The following SMAD2 variants were observed in gnomAD, a reference collection of about 807,000 sequenced individuals.
SMAD2 encodes SMAD family member 2, also known as MAD homolog 2.
SMAD2 carries 8 observed loss-of-function variants against 64.4 expected under a neutral mutation model. That is an observed-to-expected ratio of 0.12 (90% CI 0.07 to 0.22). The LOEUF is 0.22. Ranked by LOEUF, SMAD2 falls within the 10% of genes least tolerant of loss-of-function variation. The pLI is 1.00. For missense variants in SMAD2, 289 were observed against 561.2 expected, an observed-to-expected ratio of 0.51 and a Z score of 4.90; for synonymous variants, 203 against 195.8, an observed-to-expected ratio of 1.04 and a Z score of -0.31.
At chr18:47,856,299 T>C (rs1026226571) in intron 6 of SMAD2, among the ~76,000 whole-genome samples, 1 of 152,154 alleles carries the variant, frequency 6.6e-6, no homozygotes, top group East Asian at 1.9e-4. Context: ...AGTTACAATA[T>C]TGTGTTGTAT....
chr18:47,883,413 T>C (rs1381862143), intron 2 of SMAD2, among the ~76,000 whole-genome samples: 2 of 152,248 alleles, frequency 1.3e-5, no homozygotes, highest in Admixed American at 1.3e-4. Flanking sequence ...AAACAGTCTT[T>C]CCTGGTGAAG....
At chr18:47,863,553 CTTT>C (rs146121005) in intron 6 of SMAD2, among the ~76,000 whole-genome samples, 1 of 151,882 alleles carries the variant, frequency 6.6e-6, no homozygotes, top group Non-Finnish European at 1.5e-5. Context: ...TCCCTGCAGC[CTTT>C]TTTTTCTGGC....
In SMAD2 at chr18:47,820,125, A is replaced by C. The variant is rs1212598354; in HGVS notation, c.*21702T>G. 1 of 152,216 alleles carries C rather than the reference A, an allele frequency of 6.6e-6. No individual in the cohort carries two copies. The highest frequency in any genetic ancestry group is 2.1e-4 in the South Asian group (1 of 4,832). The allele number at this position is 152,216 out of a possible 1,614,324, so 9.4% of individuals were successfully genotyped here. A position where few individuals can be genotyped will look rare whatever the true frequency, so the allele number is the denominator to read the frequency against. ...AATGTCTGGATCATTTCCAAAAAAAAACAATAAACTGCTGAAAATATTAGT... is the reference window on the plus strand; with the variant it reads ...AATGTCTGGATCATTTCCAAAAAAACACAATAAACTGCTGAAAATATTAGT... On this transcript the variant is annotated 3_prime_UTR_variant, in exon 11 of 11. Coordinates refer to ENST00000262160, the MANE Select transcript of SMAD2 (RefSeq NM_005901.6).
At chr18:47,849,487 GTA>G (rs10584029) in intron 7 of SMAD2, among the ~76,000 whole-genome samples, 58,946 of 147,872 alleles carry the variant, frequency 0.4, 11,817 homozygotes, top group Middle Eastern at 0.5. Context: ...AGAAATGTAT[GTA>G]TATATATATA....
At chr18:47,925,027 A>AC (rs902081835) in intron 1 of SMAD2, among the ~76,000 whole-genome samples, 5 of 152,222 alleles carry the variant, frequency 3.3e-5, no homozygotes, top group Admixed American at 6.5e-5. Context: ...GATTATTCCT[A>AC]CTGAATACAT....
At chr18:47,929,750 A>G (rs1435249463) in intron 1 of SMAD2, among the ~76,000 whole-genome samples, 2 of 152,180 alleles carry the variant, frequency 1.3e-5, no homozygotes, top group East Asian at 3.8e-4. Context: ...CCCAAAGACA[A>G]TATCCCCCTC....
At chr18:47,885,326 C>T (rs2032841119) in intron 2 of SMAD2, among the ~76,000 whole-genome samples, 1 of 151,938 alleles carries the variant, frequency 6.6e-6, no homozygotes, top group African/African-American at 2.4e-5. Flanking sequence ...TGACACTTGG[C>T]CCAGCTAATT....
Position 47,835,877 on chromosome 18 carries a change from T to G in SMAD2, c.*5950A>C, listed in dbSNP as rs1233505252. The G allele has an allele frequency of 4.9e-6, 1 of 203,658 alleles. No individual in the cohort carries two copies. The allele number at this position is 203,658 out of a possible 1,614,324, so 12.6% of individuals were successfully genotyped here. ...TGGAGAAACTAAGAGCTGTTAACTG[T>G]TTGGAGGGTAAAAGAATACTTTTCT... On this transcript the variant is annotated 3_prime_UTR_variant, in exon 11 of 11. Coordinates refer to ENST00000262160, the MANE Select transcript of SMAD2 (RefSeq NM_005901.6).
intron 1 of SMAD2, among the ~76,000 whole-genome samples, chr18:47,907,642 A>G (rs1345924564): frequency 5.3e-5 from 8 of 152,208 alleles, no homozygotes; most frequent in African/African-American, 1.7e-4. Flanking sequence ...ATCACACATG[A>G]GTACAAGTTA....
At chr18:47,882,948 A>G (rs1314424159) in intron 2 of SMAD2, among the ~76,000 whole-genome samples, 3 of 152,204 alleles carry the variant, frequency 2.0e-5, no homozygotes, top group Admixed American at 6.5e-5. Context: ...ACCTACCATG[A>G]CAATCCCTCT....
chr18:47,886,585 CTATCT>C (rs1402064119), intron 2 of SMAD2, among the ~76,000 whole-genome samples: 1 of 151,148 alleles, frequency 6.6e-6, no homozygotes, highest in East Asian at 1.9e-4. Context: ...ATCTATCTAT[CTATCT>C]ATCTATCTAT....
intron 1 of SMAD2, among the ~76,000 whole-genome samples, chr18:47,904,660 A>G (rs895043278): frequency 6.6e-6 from 1 of 152,232 alleles, no homozygotes; most frequent in African/African-American, 2.4e-5. Flanking sequence ...ACATCCAGCA[A>G]CATAATAGAA....
In SMAD2 at chr18:47,837,599, G is replaced by GA. The variant is rs1314071326; in HGVS notation, c.*4227dup. On this transcript the variant is annotated 3_prime_UTR_variant, in exon 11 of 11. Transcript: ENST00000262160. ...AAAAAACAAAAAACAAGGCTAACAAGAAAGAGGATAACCAGCAAGTACCAC... is the reference window on the plus strand; with the variant it reads ...AAAAAACAAAAAACAAGGCTAACAAGAAAAGAGGATAACCAGCAAGTACCAC... 4.6e-6 allele frequency: 1 copy of GA among 219,034 alleles called. No individual in the cohort carries two copies. Among genetic ancestry groups the GA allele is most frequent in the Non-Finnish European group, 8.9e-6 (1 of 112,596 alleles). The allele number at this position is 219,034 out of a possible 1,614,324, so 13.6% of individuals were successfully genotyped here.
In SMAD2 at chr18:47,810,802, T is replaced by C. The variant is rs182724410; in HGVS notation, c.*31025A>G. ...AAGAAGAAAGGAAATGTAAATAAAA[T>C]AGTCCCATGCATCAGCAACAGCCGC... is the stretch of plus-strand genomic sequence containing the variant. On this transcript the variant is annotated 3_prime_UTR_variant, in exon 11 of 11. Coordinates refer to ENST00000262160, the MANE Select transcript of SMAD2 (RefSeq NM_005901.6). The C allele has an allele frequency of 1.3e-5, 2 of 152,224 alleles. No individual in the cohort carries two copies. The highest frequency in any genetic ancestry group is 4.8e-5 in the African/African-American group (2 of 41,522). 9.4% of individuals were successfully genotyped at this position (152,224 alleles called of 1,614,324 possible). A position where few individuals can be genotyped will look rare whatever the true frequency, so the allele number is the denominator to read the frequency against.
intron 7 of SMAD2, among the ~76,000 whole-genome samples, chr18:47,850,837 G>GTATAA (rs1251485675): frequency 5.1e-3 from 28 of 5,530 alleles, no homozygotes; most frequent in Admixed American, 0.017. Flanking sequence ...TATATATTAT[G>GTATAA]TATATTATAT....
rs1912638705 is a variant in SMAD2 at position 47,823,385 on chromosome 18, GCTATATGTAC to G, written c.*18432_*18441del. 2.0e-5 allele frequency: 3 copies of G among 152,226 alleles called. No homozygotes were observed. Among genetic ancestry groups the G allele is most frequent in the Admixed American group, 6.5e-5 (1 of 15,302 alleles). The allele number at this position is 152,226 out of a possible 1,614,324, so 9.4% of individuals were successfully genotyped here. A position where few individuals can be genotyped will look rare whatever the true frequency, so the allele number is the denominator to read the frequency against. ...GGGTAACTTTAAGTTTCTGAAGAAA[GCTATATGTAC>G]CTGTTATTAGATCACAGCTCTGTAC... On this transcript the variant is annotated 3_prime_UTR_variant, in exon 11 of 11. Transcript: ENST00000262160.
chr18:47,903,021 G>A (rs1055052579), intron 1 of SMAD2, among the ~76,000 whole-genome samples: 2 of 152,142 alleles, frequency 1.3e-5, no homozygotes, highest in Admixed American at 6.5e-5. Context: ...GTCAAAGCTT[G>A]GGGAACAGGA....
At chr18:47,853,778 CACAAATCTGCTGGCA>C (rs1445641871) in intron 6 of SMAD2, among the ~76,000 whole-genome samples, 1 of 151,604 alleles carries the variant, frequency 6.6e-6, no homozygotes, top group African/African-American at 2.4e-5. Context: ...GCTGGCAAGT[CACAAATCTGCTGGCA>C]AGTCACAACA....
In SMAD2 at chr18:47,836,366, GC is replaced by G. The variant is rs1271302934; in HGVS notation, c.*5460del. Reference sequence around the variant, plus strand: ...ATTTAGTAACGGGGTATATGGCAGAGCTTTCTTTGATGTTAACAAATTTTGG... The same window carrying G: ...ATTTAGTAACGGGGTATATGGCAGAGTTTCTTTGATGTTAACAAATTTTGG... On this transcript the variant is annotated 3_prime_UTR_variant, in exon 11 of 11. Transcript: ENST00000262160. 1.7e-4 allele frequency: 37 copies of G among 222,044 alleles called. No homozygotes were observed. The highest frequency in any genetic ancestry group is 7.8e-4 in the African/African-American group (35 of 44,792). 13.8% of individuals were successfully genotyped at this position (222,044 alleles called of 1,614,324 possible).
Sources: allele counts gnomAD v4.1 joint callset (sites outside exome capture counted in the v4.1 genomes callset), GRCh38; gene constraint gnomAD v4.1.1; transcripts MANE v1.5; gene names NCBI Gene and HGNC (gene_info 2026-07-23, HGNC 2026-07-21).